Variants in SELENOS observed in about 807,000 individuals in gnomAD.
SELENOS encodes the protein selenoprotein S, also known as VCP interacting membrane selenoprotein.
Under a neutral mutation model 30.2 loss-of-function variants are expected in SELENOS, and 37 were observed. The observed-to-expected ratio is 1.23, with a 90% CI of 0.94 to 1.61. The LOEUF is 1.61. SELENOS is among the 40% of genes most tolerant of loss of function. The pLI is 0.00. For synonymous variants in SELENOS, 119 were observed against 91.6 expected, an observed-to-expected ratio of 1.30 and a Z score of -1.71; for missense variants, 289 against 231.8, an observed-to-expected ratio of 1.25 and a Z score of -1.60.
At chr15:101,275,154 C>G in intron 3 of SELENOS, 101 bp downstream of exon 3, 1 of 981,724 alleles carries the variant, frequency 1.0e-6, no homozygotes, top group Non-Finnish European at 1.5e-6. Flanking sequence ...TGGGATAGGA[C>G]CTGGTCCTAG....
chr15:101,276,450 G>T, intron 2 of SELENOS, 91 bp downstream of exon 2: 1 of 1,374,618 alleles, frequency 7.3e-7, no homozygotes, highest in Non-Finnish European at 9.6e-7. Context: ...GGGTCTTCCT[G>T]TGTGGCCCCT....
downstream of SELENOS, chr15:101,271,368 C>T (rs1410459367): frequency 6.6e-6 from 1 of 152,192 alleles, no homozygotes; most frequent in Non-Finnish European, 1.5e-5. Flanking sequence ...GAGTGAGGGT[C>T]CCAGGGCTTC....
intron 3 of SELENOS, chr15:101,274,959 TG>T: frequency 3.5e-6 from 2 of 575,178 alleles, no homozygotes; most frequent in East Asian, 6.0e-5. Context: ...TTTTTGGTAA[TG>T]GGGAAGACAC....
chr15:101,272,892 A>C, intron 5 of SELENOS, 36 bp from the exon 6 acceptor site: 1 of 1,556,620 alleles, frequency 6.4e-7, no homozygotes. Context: ...CAGTATTGAT[A>C]AAAATCTGAA....
At chr15:101,276,242 C>A (rs2039325276) in intron 2 of SELENOS, among the ~76,000 whole-genome samples, 1 of 122,500 alleles carries the variant, frequency 8.2e-6, no homozygotes, top group African/African-American at 3.3e-5. Context: ...ATACTTCCTA[C>A]TTTTTTTTTT....
chr15:101,270,882 TCTCC>T (rs981959467), downstream of SELENOS: 8 of 151,992 alleles, frequency 5.3e-5, no homozygotes, highest in African/African-American at 1.9e-4. Context: ...TCCTAATCAT[TCTCC>T]CTGACACCCT....
In SELENOS at chr15:101,277,271, G is replaced by T; in HGVS notation, c.76+71C>A. 3 of 1,523,078 alleles carry T rather than the reference G, an allele frequency of 2.0e-6. No individual in the cohort carries two copies. In the South Asian group the frequency reaches 3.6e-5, roughly 18 times the overall value. 94.3% of individuals were successfully genotyped at this position (1,523,078 alleles called of 1,614,324 possible). A position where few individuals can be genotyped will look rare whatever the true frequency, so the allele number is the denominator to read the frequency against. On this transcript the variant is annotated intron_variant, in intron 1 of 5. Transcript: ENST00000526049. Reference sequence around the variant, plus strand: ...GGCTCCGGCGCCCGGTGCAGCGGCGGACGACCCACCCATCATGGCTGCGCG... The same window carrying T: ...GGCTCCGGCGCCCGGTGCAGCGGCGTACGACCCACCCATCATGGCTGCGCG...
chr15:101,275,043 T>C (rs1001329522), intron 3 of SELENOS: 8 of 571,944 alleles, frequency 1.4e-5, no homozygotes, highest in African/African-American at 5.7e-5. Context: ...GGACCTTTCA[T>C]GGTAATATAT....
At chr15:101,274,332 C>A (rs1596465269) in intron 5 of SELENOS, 88 bp downstream of exon 5, 7 of 1,436,352 alleles carry the variant, frequency 4.9e-6, no homozygotes, top group Non-Finnish European at 6.7e-6. Flanking sequence ...AATTTATGGA[C>A]AAAGAAACAA....
At chr15:101,274,008 TCCAGAGTC>T (rs542092107) in intron 5 of SELENOS, among the ~76,000 whole-genome samples, 127 of 152,340 alleles carry the variant, frequency 8.3e-4, no homozygotes, top group African/African-American at 3.0e-3. Context: ...TGTGGCATCA[TCCAGAGTC>T]CCCGGGGCAG....
At position 101,277,369 on chromosome 15, in the gene SELENOS, C is replaced by T. The variant is rs540535730; in HGVS notation, c.49G>A (p.Glu17Lys). The part of the protein sequence containing the change: ...SLSARPALET[E>K]GLRFLHTTVG... The stretch of plus-strand genomic sequence containing the variant: ...GTGGTGTGCAGGAAGCGCAGCCCCT[C>T]GGTCTCCAGGGCCGGCCGCGCGGAC... Residue 17 changes from glutamate (E) to lysine (K), a missense_variant, in exon 1 of 6, where the codon GAG (glutamate) becomes AAG (lysine). Transcript: ENST00000526049. 228 of 1,513,558 alleles carry T rather than the reference C, an allele frequency of 1.5e-4. 1 individual carries two copies. Among genetic ancestry groups the T allele is most frequent in the Admixed American group, 3.3e-4 (16 of 48,642 alleles). 93.8% of individuals were successfully genotyped at this position (1,513,558 alleles called of 1,614,324 possible).
downstream of SELENOS, among the ~76,000 whole-genome samples, chr15:101,271,931 T>G (rs1325975588): frequency 6.6e-6 from 1 of 152,240 alleles, no homozygotes; most frequent in Non-Finnish European, 1.5e-5. Context: ...CTGCTGATAG[T>G]GCCTCTGGAC....
chr15:101,275,136 G>T (rs2039309464), intron 3 of SELENOS, 119 bp downstream of exon 3: 2 of 788,872 alleles, frequency 2.5e-6, no homozygotes, highest in East Asian at 2.8e-5. Flanking sequence ...AATGCTTATT[G>T]AATCTAATGG....
intron 5 of SELENOS, 146 bp downstream of exon 5, chr15:101,274,274 G>A: frequency 1.1e-6 from 1 of 907,308 alleles, no homozygotes; most frequent in East Asian, 2.6e-5. Context: ...GAGGTGATTT[G>A]CATCTGTTTC....
chr15:101,277,207 C>A, intron 1 of SELENOS, 135 bp downstream of exon 1: 1 of 1,424,422 alleles, frequency 7.0e-7, no homozygotes, highest in Non-Finnish European at 9.5e-7. Flanking sequence ...GCCCAAGGTC[C>A]GCGTAAGCGC....
rs760658925 is a variant in SELENOS, at chr15:101,274,446, G to A, written c.458C>T (p.Ser153Leu). Reference protein sequence around the residue: ...PSTSSVLKRKSDRKPLRGGGY... With the variant: ...PSTSSVLKRKLDRKPLRGGGY... The stretch of plus-strand genomic sequence containing the variant: ...TCCTCCCCGCAAAGGCTTTCTGTCC[G>A]ATTTCCGTTTCAGGACAGATGAAGT... Residue 153 changes from serine (S) to leucine (L), a missense_variant, in exon 5 of 6, where the codon TCG becomes TTG. Physicochemically the swap from Ser to Leu is moderately radical, Grantham distance 145. Coordinates refer to ENST00000526049, the MANE Select transcript of SELENOS (RefSeq NM_018445.6). 1.3e-5 allele frequency: 21 copies of A among 1,609,040 alleles called. No individual in the cohort carries two copies. In the Admixed American group the frequency reaches 1.7e-4, roughly 13 times the overall value.
intron 2 of SELENOS, 96 bp from the exon 3 acceptor site, chr15:101,275,457 G>A (rs548515765): frequency 9.1e-6 from 9 of 989,820 alleles, no homozygotes; most frequent in Non-Finnish European, 1.3e-5. Flanking sequence ...AAGAGGTATG[G>A]ATATCAGACA....
intron 1 of SELENOS, chr15:101,277,103 G>C: frequency 2.7e-6 from 2 of 749,680 alleles, no homozygotes; most frequent in East Asian, 5.5e-5. Context: ...GGAAGGGCTT[G>C]GTTCGCAAAA....
chr15:101,272,724 G>T lies in SELENOS; in HGVS notation c.*47C>A. On this transcript the variant is annotated 3_prime_UTR_variant, in exon 6 of 6. Transcript: ENST00000526049. ...CGTGCGTAAGGCAATTGAATCGAGGGTTAAGGGTTCATCTTGCTAATGTCA... is the reference window on the plus strand; with the variant it reads ...CGTGCGTAAGGCAATTGAATCGAGGTTTAAGGGTTCATCTTGCTAATGTCA... 1.3e-6 allele frequency: 2 copies of T among 1,552,920 alleles called. No homozygotes were observed. Among genetic ancestry groups the T allele is most frequent in the East Asian group, 2.4e-5 (1 of 42,078 alleles).
Sources: allele counts gnomAD v4.1 joint callset (sites outside exome capture counted in the v4.1 genomes callset), GRCh38; gene constraint gnomAD v4.1.1; transcripts MANE v1.5; gene names NCBI Gene and HGNC (gene_info 2026-07-23, HGNC 2026-07-21).